FGFR2: variants seen among roughly 807,000 people sequenced by gnomAD.
The protein encoded by FGFR2 is fibroblast growth factor receptor 2, also known as BEK fibroblast growth factor receptor.
In FGFR2, 19 loss-of-function variants were observed where a neutral mutation model predicts 95.9. The observed-to-expected ratio is 0.20, with a 90% CI of 0.14 to 0.29. FGFR2 has a LOEUF of 0.29. FGFR2 is among the 10% of genes least tolerant of loss of function. The pLI, the probability that FGFR2 is intolerant of heterozygous loss-of-function variation, is 1.00. For missense variants in FGFR2, 707 were observed against 1,056.9 expected (o/e 0.67, Z 4.59); for synonymous variants, 392 against 393.3 (o/e 1.00, Z 0.04).
Position 121,551,678 on chromosome 10 carries a change from G to A in FGFR2, c.455-219C>T, listed in dbSNP as rs184026051. Among the ~76,000 whole-genome samples the A allele has an allele frequency of 0.013, 1,902 of 142,710 alleles. 37 individuals are homozygous for A. Among genetic ancestry groups the A allele is most frequent in the African/African-American group, 0.046 (1,802 of 39,286 alleles). The allele number at this position is 142,710 out of a possible 152,430, so 93.6% of individuals were successfully genotyped here. On this transcript the variant is annotated intron_variant, in intron 4 of 17. Coordinates refer to ENST00000358487, the MANE Select transcript of FGFR2 (RefSeq NM_000141.5). Reference sequence around the variant, plus strand: ...GATGGTTCATGTCTACCAACAGGAAGAAAAAAAAAAAAGTGTTTGAGGCCC... The same window carrying A: ...GATGGTTCATGTCTACCAACAGGAAAAAAAAAAAAAAAGTGTTTGAGGCCC...
chr10:121,520,195 G>A (rs2134321244), intron 6 of FGFR2, 26 bp from the exon 7 acceptor site: 1 of 1,604,334 alleles, frequency 6.2e-7, no homozygotes, highest in Non-Finnish European at 8.5e-7. Context: ...AAGAAAGGAG[G>A]AGTGGGGATG....
intron 2 of FGFR2, among the ~76,000 whole-genome samples, chr10:121,577,519 T>G (rs1451421400): frequency 6.6e-6 from 1 of 152,122 alleles, no homozygotes; most frequent in African/African-American, 2.4e-5. Flanking sequence ...GGGTTAATTA[T>G]CTTCGGTTAG....
chr10:121,576,980 C>T (rs2912781), intron 2 of FGFR2, among the ~76,000 whole-genome samples: 60,395 of 148,626 alleles, frequency 0.41, 14,375 homozygotes, highest in Non-Finnish European at 0.53. Context: ...ATTAAAAATA[C>T]AAAAGTTAGC....
intron 2 of FGFR2, among the ~76,000 whole-genome samples, chr10:121,577,192 G>T (rs1167496950): frequency 9.2e-6 from 1 of 108,384 alleles, no homozygotes; most frequent in African/African-American, 3.8e-5. Context: ...GAGAGAGAGA[G>T]AGAGAGAGAG....
chr10:121,517,723 A>G lies in FGFR2; in HGVS notation c.940-260T>C, dbSNP rs3135760. Among the ~76,000 whole-genome samples, 313 of 152,134 alleles carry G rather than the reference A, an allele frequency of 2.1e-3. No homozygotes were observed. The highest frequency in any genetic ancestry group is 3.3e-3 in the Non-Finnish European group (221 of 67,998). On this transcript the variant is annotated intron_variant, in intron 7 of 17. Coordinates refer to ENST00000358487, the MANE Select transcript of FGFR2 (RefSeq NM_000141.5). This position sits in a 1 kb window ranked among gnomAD's most constrained non-coding sequence, Gnocchi z 4.7. ...AAACGCATGGAAAAAATCAACCCAC[A>G]GAGGTCCGTTCTCTTGGCCTGTGCT... is the stretch of plus-strand genomic sequence containing the variant.
intron 2 of FGFR2, among the ~76,000 whole-genome samples, chr10:121,571,132 G>A (rs1858612213): frequency 6.7e-6 from 1 of 148,458 alleles, no homozygotes; most frequent in Admixed American, 6.8e-5. Context: ...GGGACTACAG[G>A]AGCCTGCCAC....
At chr10:121,573,956 C>T (rs530085680) in intron 2 of FGFR2, among the ~76,000 whole-genome samples, 12 of 152,302 alleles carry the variant, frequency 7.9e-5, no homozygotes, top group African/African-American at 2.9e-4. Context: ...GCAAATGTCG[C>T]TACATAGTCA....
In FGFR2 at chr10:121,593,790, G is replaced by C. The variant is rs370122049; in HGVS notation, c.28C>G (p.Leu10Val). The C allele has an allele frequency of 2.5e-6, 4 of 1,614,058 alleles. No individual in the cohort carries two copies. The highest frequency in any genetic ancestry group is 3.4e-6 in the Non-Finnish European group (4 of 1,180,042). ...AAGGTTGCCATGGTGACCACGACCA[G>C]GCAGATGAAACGACCCCAGCTGACC... MVSWGRFIC[L>V]VVVTMATLSL... The change falls in exon 2 of 18, where the codon CTG (leucine) becomes GTG (valine). Residue 10 changes from leucine (L) to valine (V), a missense_variant. Coordinates refer to ENST00000358487, the MANE Select transcript of FGFR2 (RefSeq NM_000141.5).
At chr10:121,528,025 TA>T (rs1851617729) in intron 6 of FGFR2, 1 of 152,218 alleles carries the variant, frequency 6.6e-6, no homozygotes, top group Non-Finnish European at 1.5e-5. Flanking sequence ...TGTTCTTTTT[TA>T]ATGTCCAGGA....
intron 10 of FGFR2, among the ~76,000 whole-genome samples, chr10:121,501,915 A>G (rs2134026089): frequency 6.6e-6 from 1 of 152,326 alleles, no homozygotes; most frequent in South Asian, 2.1e-4. Context: ...CAAGCATAAC[A>G]ATCCTTTCTT....
At chr10:121,505,402 T>C (rs1848139504) in intron 9 of FGFR2, among the ~76,000 whole-genome samples, 1 of 152,202 alleles carries the variant, frequency 6.6e-6, no homozygotes, top group Non-Finnish European at 1.5e-5. Context: ...TTCCATTCAA[T>C]CTTTTGGCAG....
At chr10:121,497,147 A>G (rs7096930) in intron 12 of FGFR2, among the ~76,000 whole-genome samples, 1,755 of 150,502 alleles carry the variant, frequency 0.012, 34 homozygotes, top group African/African-American at 0.04. Flanking sequence ...AAAAAAAAAA[A>G]AAGAAGAAGA....
At chr10:121,577,176 T>TAGAGAGAGAGAGAGAGAGAGAG (rs1278087472) in intron 2 of FGFR2, among the ~76,000 whole-genome samples, 26 of 7,490 alleles carry the variant, frequency 3.5e-3, no homozygotes, top group South Asian at 6.0e-3. Context: ...TATATATATA[T>TAGAGAGAGAGAGAGAGAGAGAG]ATAGAGAGAG....
At position 121,512,777 on chromosome 10, in the gene FGFR2, TAAAG is replaced by T. The variant is rs1849220812; in HGVS notation, c.1287+2336_1287+2339del. 2.0e-5 allele frequency among the ~76,000 whole-genome samples: 3 copies of T among 152,098 alleles called. No homozygotes were observed. In the East Asian group the frequency reaches 5.8e-4, roughly 29 times the overall value. The stretch of plus-strand genomic sequence containing the variant: ...CACTTAGTAAATTATGATGAATAAA[TAAAG>T]GAAGGAGGGAAGAAAAAGAGGAAGG... On this transcript the variant is annotated intron_variant, in intron 9 of 17. Coordinates refer to ENST00000358487, the MANE Select transcript of FGFR2 (RefSeq NM_000141.5).
rs756185824 is a variant in FGFR2 at position 121,485,370 on chromosome 10, C to T, written c.2195+25G>A. On this transcript the variant is annotated intron_variant, in intron 16 of 17. Transcript: ENST00000358487. This position sits in a 1 kb window ranked among gnomAD's most constrained non-coding sequence, Gnocchi z 4.2. Reference sequence around the variant, plus strand: ...TGGTGTGGCAAGTCCACTGGGGCACCGGCAGGAAAGACAACAGCCCTTACA... The same window carrying T: ...TGGTGTGGCAAGTCCACTGGGGCACTGGCAGGAAAGACAACAGCCCTTACA... 18 of 1,613,828 alleles carry T rather than the reference C, an allele frequency of 1.1e-5. No homozygotes were observed. The highest frequency in any genetic ancestry group is 1.6e-4 in the Middle Eastern group (1 of 6,072).
At chr10:121,597,051 C>T (rs1863531540) in intron 1 of FGFR2, among the ~76,000 whole-genome samples, 1 of 152,130 alleles carries the variant, frequency 6.6e-6, no homozygotes. Flanking sequence ...GCAGGTTTGC[C>T]TTTAAGGGTA....
chr10:121,562,039 C>G (rs368757660), intron 4 of FGFR2, among the ~76,000 whole-genome samples: 6 of 152,176 alleles, frequency 3.9e-5, no homozygotes, highest in African/African-American at 1.4e-4. Context: ...CCAAGCACAT[C>G]GAATGATGTG....
intron 17 of FGFR2, chr10:121,482,034 T>TCA (rs1172402622): frequency 1.5e-6 from 1 of 661,298 alleles, no homozygotes; most frequent in African/African-American, 1.8e-5. Flanking sequence ...AGACAGGGTT[T>TCA]CACCATGTTG....
Position 121,520,121 on chromosome 10 carries a change from G to A in FGFR2, c.797C>T (p.Ala266Val), listed in dbSNP as rs2134316843. Residue 266 changes from alanine to valine, a missense_variant, in exon 7 of 18, where the codon GCC (alanine) becomes GTC (valine). Physicochemically the swap from Ala to Val is moderately conservative, Grantham distance 64 (BLOSUM62 0). Transcript: ENST00000358487. ...PILQAGLPAN[A>V]STVVGGDVEF... Reference sequence around the variant, plus strand: ...TACGTCTCCTCCGACCACTGTGGAGGCATTTGCCGGCAGTCCGGCTTGGAG... The same window carrying A: ...TACGTCTCCTCCGACCACTGTGGAGACATTTGCCGGCAGTCCGGCTTGGAG... 1 of 1,614,068 alleles carries A rather than the reference G, an allele frequency of 6.2e-7. No homozygotes were observed. The highest frequency in any genetic ancestry group is 8.5e-7 in the Non-Finnish European group (1 of 1,179,920).
Sources: gnomAD v4.1 joint callset for allele counts (sites outside exome capture counted in the v4.1 genomes callset) on GRCh38, gnomAD v4.1.1 for gene constraint, Gnocchi (gnomAD v3.1) non-coding constraint, MANE v1.5 for transcripts, NCBI Gene and HGNC (gene_info 2026-07-23, HGNC 2026-07-21) for gene names.